The following GPLD1 variants were observed in gnomAD, a reference collection of about 807,000 sequenced individuals.
The protein encoded by GPLD1 is phosphatidylinositol-glycan-specific phospholipase D.
Under a neutral mutation model 112.6 loss-of-function variants are expected in GPLD1, and 84 were observed. The ratio of observed to expected loss-of-function variants is 0.75; its 90% CI spans 0.63 to 0.89. The LOEUF (loss-of-function observed/expected upper bound fraction) is 0.89. Among genes scored for constraint, GPLD1 ranks in the 40% least tolerant of loss-of-function variants. The pLI is 0.00. For synonymous variants in GPLD1, 386 were observed against 403.8 expected (o/e 0.96, Z 0.53); for missense variants, 1,044 against 1,051.5 (o/e 0.99, Z 0.10).
chr6:24,444,244 T>C (rs115474824), intron 20 of GPLD1, among the ~76,000 whole-genome samples: 5,077 of 152,248 alleles, frequency 0.033, 82 homozygotes, highest in Middle Eastern at 0.085. Flanking sequence ...TGTTAGTAAA[T>C]GCTGGCATTA....
intron 22 of GPLD1, among the ~76,000 whole-genome samples, chr6:24,434,711 G>A (rs2487515): frequency 0.67 from 101,326 of 151,368 alleles, 36,176 homozygotes; most frequent in Non-Finnish European, 0.81. Flanking sequence ...GGTAGTGGGC[G>A]CCTGTAGCCC....
intron 20 of GPLD1, among the ~76,000 whole-genome samples, chr6:24,439,259 GC>G (rs1746004115): frequency 6.6e-6 from 1 of 152,204 alleles, no homozygotes; most frequent in Non-Finnish European, 1.5e-5. Context: ...TGGCCCCAGT[GC>G]ATGTGGGAGA....
intron 12 of GPLD1, among the ~76,000 whole-genome samples, chr6:24,457,146 C>T (rs1448529126): frequency 2.0e-5 from 3 of 152,186 alleles, no homozygotes; most frequent in Admixed American, 6.5e-5. Context: ...GCTGGGATTA[C>T]AGGCGTAAGC....
rs371548862 is a variant in GPLD1, at chr6:24,495,164, G to C, written n.42C>G. On this transcript the variant is annotated non_coding_transcript_exon_variant, in exon 1 of 11. Transcript: ENST00000474784. ...CTGGGCGCCTGGCGGGCCTCTCTGCGGCGCTGCTGCGCACCGACAGCTTCG... is the reference window on the plus strand; with the variant it reads ...CTGGGCGCCTGGCGGGCCTCTCTGCCGCGCTGCTGCGCACCGACAGCTTCG... 2.7e-6 allele frequency: 4 copies of C among 1,464,112 alleles called. No individual in the cohort carries two copies. The highest frequency in any genetic ancestry group is 1.3e-5 in the South Asian group (1 of 75,808). The allele number at this position is 1,464,112 out of a possible 1,614,324, so 90.7% of individuals were successfully genotyped here.
chr6:24,435,360 G>A (rs1762537627), intron 22 of GPLD1, among the ~76,000 whole-genome samples: 1 of 152,092 alleles, frequency 6.6e-6, no homozygotes, highest in Non-Finnish European at 1.5e-5. Flanking sequence ...CTTAGCATAT[G>A]CATACTAAAT....
rs1762256951 is a variant in GPLD1 at position 24,427,005 on chromosome 6, T to C, written c.*2027A>G. ...CACTCTTCAGCTGGATTCCTCTTCC[T>C]GTCCCCTTTTCACCAGTCTCTACTC... On this transcript the variant is annotated 3_prime_UTR_variant, in exon 25 of 25. Transcript: ENST00000230036. Among the ~76,000 whole-genome samples, 3 of 152,194 alleles carry C rather than the reference T, an allele frequency of 2.0e-5. No individual in the cohort carries two copies. The highest frequency in any genetic ancestry group is 7.2e-5 in the African/African-American group (3 of 41,442).
rs1198325980 is a variant in GPLD1, at chr6:24,460,390, C to T, written c.897G>A (p.Met299Ile). The T allele has an allele frequency of 6.2e-7, 1 of 1,613,590 alleles. No individual in the cohort carries two copies. The highest frequency in any genetic ancestry group is 8.5e-7 in the Non-Finnish European group (1 of 1,179,810). The change falls in exon 12 of 25, where the codon ATG becomes ATA. Residue 299 changes from methionine (M) to isoleucine (I), a missense_variant. Met to Ile is a conservative substitution (Grantham distance 10). Coordinates refer to ENST00000230036, the MANE Select transcript of GPLD1 (RefSeq NM_001503.4). ...AATTTCTGTGAAAATCATTTTTCTG[C>T]ATTTTTGAGCTGTTGAAGAGAAAGA... Reference protein sequence around the residue: ...GQQNHTQGSKMQKNDFHRNLT... With the variant: ...GQQNHTQGSKIQKNDFHRNLT...
intron 1 of GPLD1, among the ~76,000 whole-genome samples, chr6:24,487,607 A>G (rs1764421104): frequency 6.6e-6 from 1 of 152,202 alleles, no homozygotes; most frequent in Non-Finnish European, 1.5e-5. Flanking sequence ...AGTTTTGGCA[A>G]TTTCAACTTC....
intron 20 of GPLD1, among the ~76,000 whole-genome samples, chr6:24,444,522 T>C (rs970516058): frequency 2.6e-5 from 4 of 152,004 alleles, no homozygotes; most frequent in African/African-American, 9.7e-5. Flanking sequence ...AGACTATCTT[T>C]CCCATAAAGT....
chr6:24,486,695 G>A (rs774952634), intron 1 of GPLD1, among the ~76,000 whole-genome samples: 3 of 152,080 alleles, frequency 2.0e-5, no homozygotes, highest in Non-Finnish European at 4.4e-5. Context: ...GCGCATGCCT[G>A]TAATCCCAGC....
In GPLD1 at chr6:24,454,218, G is replaced by A; in HGVS notation, c.1149-17C>T. ...GTCATTGCCCTTAGGGAAGTGAAGG[G>A]ACCCACCATGGTATGCACTGAGCAC... is the stretch of plus-strand genomic sequence containing the variant. On this transcript the variant is annotated splice_polypyrimidine_tract_variant and intron_variant, in intron 13 of 24. Coordinates refer to ENST00000230036, the MANE Select transcript of GPLD1 (RefSeq NM_001503.4). 1.3e-6 allele frequency: 2 copies of A among 1,594,674 alleles called. No individual in the cohort carries two copies. The highest frequency in any genetic ancestry group is 8.6e-7 in the Non-Finnish European group (1 of 1,168,156).
At chr6:24,425,186 AC>A (rs1343782632), downstream of GPLD1, 1 of 152,192 alleles carries the variant, frequency 6.6e-6, no homozygotes, top group Non-Finnish European at 1.5e-5. Flanking sequence ...CACTTTTGGC[AC>A]ACCTCAGAGC....
intron 11 of GPLD1, 85 bp from the exon 12 acceptor site, chr6:24,460,484 A>G: frequency 7.0e-7 from 1 of 1,431,526 alleles, no homozygotes; most frequent in Non-Finnish European, 9.6e-7. Flanking sequence ...AGTCAAGTTA[A>G]TCACAGGTTA....
At chr6:24,441,888 C>G (rs1205175169) in intron 20 of GPLD1, among the ~76,000 whole-genome samples, 1 of 151,542 alleles carries the variant, frequency 6.6e-6, no homozygotes, top group Non-Finnish European at 1.5e-5. Flanking sequence ...ATGGGAAAAT[C>G]TGAACAATTT....
intron 1 of GPLD1, among the ~76,000 whole-genome samples, chr6:24,487,468 TGAAG>T (rs2127373197): frequency 6.6e-6 from 1 of 152,294 alleles, no homozygotes; most frequent in African/African-American, 2.4e-5. Context: ...TGGTACTTAA[TGAAG>T]AAGGGCAAGC....
In GPLD1 at chr6:24,456,388, T is replaced by C. The variant is rs561367491; in HGVS notation, c.1148+110A>G. 5 of 752,026 alleles carry C rather than the reference T, an allele frequency of 6.6e-6. No homozygotes were observed. In the East Asian group the frequency reaches 8.5e-5, roughly 13 times the overall value. The allele number at this position is 752,026 out of a possible 1,614,324, so 46.6% of individuals were successfully genotyped here. A position where few individuals can be genotyped will look rare whatever the true frequency, so the allele number is the denominator to read the frequency against. ...CTCCAGCCTGGGTGACAAGTGAGACTCTGTCTCAAAAATAAAATAAAATAA... is the reference window on the plus strand; with the variant it reads ...CTCCAGCCTGGGTGACAAGTGAGACCCTGTCTCAAAAATAAAATAAAATAA... On this transcript the variant is annotated intron_variant, in intron 13 of 24. Transcript: ENST00000230036.
At chr6:24,462,817 T>C in intron 10 of GPLD1, 22 bp from the exon 11 acceptor site, 2 of 1,552,524 alleles carry the variant, frequency 1.3e-6, no homozygotes, top group Non-Finnish European at 1.8e-6. Context: ...GTCAAATGAG[T>C]TAGCCATTTA....
rs376002169 is a variant in GPLD1, at chr6:24,433,412, G to C, written c.2359-23C>G. On this transcript the variant is annotated intron_variant, in intron 22 of 24. Transcript: ENST00000230036. ...GGCCTGAAGAAAAAAATTGAGGAGA[G>C]AGACAATGTTATTACTGTTTGTGTG... 24 of 1,559,588 alleles carry C rather than the reference G, an allele frequency of 1.5e-5. No homozygotes were observed. The African/African-American group carries it at 2.3e-4, about 15-fold the overall frequency.
chr6:24,470,174 C>A (rs1009956775), intron 7 of GPLD1, among the ~76,000 whole-genome samples: 28 of 151,824 alleles, frequency 1.8e-4, no homozygotes, highest in Non-Finnish European at 3.8e-4. Context: ...CTCACCCTGT[C>A]GCCCAAGCTG....
Sources: gnomAD v4.1 joint callset for allele counts (sites outside exome capture counted in the v4.1 genomes callset) on GRCh38, gnomAD v4.1.1 for gene constraint, MANE v1.5 for transcripts, NCBI Gene and HGNC (gene_info 2026-07-23, HGNC 2026-07-21) for gene names.